The following PDILT variants were observed in gnomAD, a reference collection of about 807,000 sequenced individuals.
PDILT encodes the protein protein disulfide isomerase like, testis expressed.
A neutral mutation model predicts 53.7 loss-of-function variants in PDILT; 43 were observed. The ratio of observed to expected loss-of-function variants is 0.80; its 90% CI spans 0.63 to 1.03. PDILT has a LOEUF of 1.03. Ranked by LOEUF, PDILT falls within the 50% of genes least tolerant of loss-of-function variation. The probability of loss-of-function intolerance (pLI) is 0.00; values close to 1 mark genes in which losing one functional copy is unlikely to be tolerated. For synonymous variants in PDILT, 282 were observed against 274.2 expected, an observed-to-expected ratio of 1.03 and a Z score of -0.28; for missense variants, 727 against 712.3, an observed-to-expected ratio of 1.02 and a Z score of -0.24.
intron 11 of PDILT, among the ~76,000 whole-genome samples, chr16:20,359,800 T>C (rs1001286713): frequency 2.0e-5 from 3 of 152,104 alleles, no homozygotes; most frequent in Non-Finnish European, 4.4e-5. Context: ...AGAGGACCTT[T>C]GGGGGAACCA....
At chr16:20,380,333 CTTTTTCTT>C (rs1217971480) in intron 3 of PDILT, among the ~76,000 whole-genome samples, 1 of 151,952 alleles carries the variant, frequency 6.6e-6, no homozygotes, top group Non-Finnish European at 1.5e-5. Context: ...CTTTTATTTT[CTTTTTCTT>C]TTTTTCTTTT....
chr16:20,380,711 G>A (rs1966450537), intron 3 of PDILT, among the ~76,000 whole-genome samples: 1 of 152,218 alleles, frequency 6.6e-6, no homozygotes, highest in Non-Finnish European at 1.5e-5. Context: ...CTTGTTCAGT[G>A]TGAGCTCCCA....
intron 5 of PDILT, 66 bp downstream of exon 5, chr16:20,374,756 A>C: frequency 3.3e-6 from 5 of 1,523,618 alleles, no homozygotes; most frequent in Non-Finnish European, 4.4e-6. Context: ...ATTTGTACCC[A>C]AAGCTCATAC....
chr16:20,386,762 T>G (rs1966545171), intron 2 of PDILT, among the ~76,000 whole-genome samples: 1 of 152,254 alleles, frequency 6.6e-6, no homozygotes, highest in Non-Finnish European at 1.5e-5. Flanking sequence ...AATTGCTGGC[T>G]GCTCTGGTCC....
rs930359942 is a variant in PDILT at position 20,378,171 on chromosome 16, C to T, written c.410-1970G>A. ...GTTTTATTTCATGAGAACATGAAGG[C>T]TTTTCAAAAACTTATAATAAAGTAT... On this transcript the variant is annotated intron_variant, in intron 3 of 11. Transcript: ENST00000302451. 3.3e-5 allele frequency among the ~76,000 whole-genome samples: 5 copies of T among 152,268 alleles called. No homozygotes were observed. The South Asian group carries it at 8.3e-4, about 25-fold the overall frequency.
At chr16:20,374,714 A>G (rs759885577) in intron 5 of PDILT, 108 bp downstream of exon 5, 43 of 1,281,194 alleles carry the variant, frequency 3.4e-5, no homozygotes, top group Admixed American at 4.7e-5. Context: ...AACTAGTCCA[A>G]TGCCACTGAG....
intron 8 of PDILT, among the ~76,000 whole-genome samples, chr16:20,367,087 CTTTCTTTCTTT>C (rs1966222356): frequency 1.9e-5 from 2 of 103,364 alleles, no homozygotes; most frequent in African/African-American, 8.5e-5. Context: ...TTCTTTCTTT[CTTTCTTTCTTT>C]CTTTCTTCCT....
chr16:20,403,676 C>CT (rs544370878), intron 1 of PDILT, among the ~76,000 whole-genome samples: 12 of 148,872 alleles, frequency 8.1e-5, no homozygotes, highest in East Asian at 3.9e-4. Context: ...GCTTCTGCCT[C>CT]TTTTTTTTTT....
intron 8 of PDILT, among the ~76,000 whole-genome samples, chr16:20,367,051 CTTTCT>C (rs1966215760): frequency 8.5e-5 from 7 of 82,460 alleles, no homozygotes; most frequent in East Asian, 5.4e-4. Context: ...TTCTTTCTTT[CTTTCT>C]TTCTTTCTTT....
intron 2 of PDILT, among the ~76,000 whole-genome samples, chr16:20,392,601 A>G (rs1341546630): frequency 6.6e-6 from 1 of 152,158 alleles, no homozygotes; most frequent in African/African-American, 2.4e-5. Context: ...TAGTTTTTTT[A>G]AGAACTCATT....
At chr16:20,380,529 G>A (rs753980761) in intron 3 of PDILT, among the ~76,000 whole-genome samples, 1 of 151,960 alleles carries the variant, frequency 6.6e-6, no homozygotes, top group Non-Finnish European at 1.5e-5. Flanking sequence ...GTAGAGATGG[G>A]GTTTCACCAT....
At chr16:20,404,401 G>A (rs957433279) in intron 1 of PDILT, 95 bp downstream of exon 1, 19 of 152,132 alleles carry the variant, frequency 1.2e-4, no homozygotes, top group African/African-American at 4.6e-4. Context: ...CACCAAAACT[G>A]ACACTTAAAA....
In PDILT at chr16:20,367,090, T is replaced by TCTTC. The variant is rs1555489458; in HGVS notation, c.1117-1551_1117-1550insGAAG. On this transcript the variant is annotated intron_variant, in intron 8 of 11. Transcript: ENST00000302451. ...TTCTTTCTTTCTTTCTTTCTTTCTT[T>TCTTC]CTTTCTTTCTTTCTTCCTTTCTTTC... Among the ~76,000 whole-genome samples the TCTTC allele has an allele frequency of 4.9e-3, 445 of 91,546 alleles. 15 individuals carry two copies. The highest frequency in any genetic ancestry group is 0.013 in the African/African-American group (265 of 20,046). 60.1% of individuals were successfully genotyped at this position (91,546 alleles called of 152,430 possible).
chr16:20,367,285 G>T (rs1966227232), intron 8 of PDILT, among the ~76,000 whole-genome samples: 1 of 151,896 alleles, frequency 6.6e-6, no homozygotes, highest in Admixed American at 6.6e-5. Flanking sequence ...TGTATTTTTA[G>T]TAGAGACGGG....
At chr16:20,388,641 G>A (rs796457584) in intron 2 of PDILT, 24 of 152,324 alleles carry the variant, frequency 1.6e-4, no homozygotes, top group African/African-American at 5.3e-4. Flanking sequence ...GCCAGGCGTG[G>A]TGACTCCACG....
At chr16:20,370,494 C>T (rs1966289546) in intron 7 of PDILT, among the ~76,000 whole-genome samples, 1 of 152,140 alleles carries the variant, frequency 6.6e-6, no homozygotes, top group African/African-American at 2.4e-5. Flanking sequence ...GAACACTATT[C>T]CGGGTGGTGG....
At chr16:20,399,580 C>T (rs931036660) in intron 1 of PDILT, among the ~76,000 whole-genome samples, 38 of 152,218 alleles carry the variant, frequency 2.5e-4, no homozygotes, top group South Asian at 1.7e-3. Flanking sequence ...ACCACTCAAG[C>T]CCACTGACTT....
intron 2 of PDILT, chr16:20,386,138 C>A (rs1966534064): frequency 6.6e-6 from 1 of 152,224 alleles, no homozygotes; most frequent in Non-Finnish European, 1.5e-5. Context: ...GACGCCTTGG[C>A]CCCTCACGTT....
intron 4 of PDILT, 120 bp downstream of exon 4, chr16:20,375,948 C>A: frequency 7.7e-7 from 1 of 1,295,864 alleles, no homozygotes; most frequent in Non-Finnish European, 1.1e-6. Flanking sequence ...CCCTAAAAAC[C>A]AGATCATTGG....
Sources: gnomAD v4.1 joint callset for allele counts (sites outside exome capture counted in the v4.1 genomes callset) on GRCh38, gnomAD v4.1.1 for gene constraint, MANE v1.5 for transcripts, NCBI Gene and HGNC (gene_info 2026-07-23, HGNC 2026-07-21) for gene names.